The following DUSP5 variants were observed in gnomAD, a reference collection of about 807,000 sequenced individuals.
The protein encoded by DUSP5 is dual specificity protein phosphatase 5.
A neutral mutation model predicts 33.6 loss-of-function variants in DUSP5; 22 were observed. The ratio of observed to expected loss-of-function variants is 0.66; its 90% CI spans 0.47 to 0.94. DUSP5 has a LOEUF of 0.94. Ranked by LOEUF, DUSP5 falls within the 40% of genes least tolerant of loss-of-function variation. DUSP5 has a pLI of 0.00. For synonymous variants in DUSP5, 270 were observed against 231.1 expected (o/e 1.17, Z -1.53); for missense variants, 551 against 522.1 (o/e 1.06, Z -0.54).
Position 110,508,645 on chromosome 10 carries a change from C to T in DUSP5, c.749-1375C>T, listed in dbSNP as rs141948277. Among the ~76,000 whole-genome samples, 504 of 152,260 alleles carry T rather than the reference C, an allele frequency of 3.3e-3. 1 individual carries two copies. The highest frequency in any genetic ancestry group is 6.0e-3 in the Non-Finnish European group (406 of 68,024). ...GCTCCAGAGGCAATACACTCTGGAC[C>T]CTTTGCATTCTTGGATGTGGCACTA... On this transcript the variant is annotated intron_variant, in intron 3 of 3. Coordinates refer to ENST00000369583, the MANE Select transcript of DUSP5 (RefSeq NM_004419.4).
Position 110,498,133 on chromosome 10 carries a change from G to A in DUSP5, c.12G>A (p.Thr4=). The A allele has an allele frequency of 1.4e-6, 2 of 1,436,714 alleles. No individual in the cohort carries two copies. The highest frequency in any genetic ancestry group is 1.8e-6 in the Non-Finnish European group (2 of 1,088,688). 89.0% of individuals were successfully genotyped at this position (1,436,714 alleles called of 1,614,324 possible). The change falls in exon 1 of 4, where the codon ACG becomes ACA. Residue 4 remains threonine (T), a synonymous_variant. Transcript: ENST00000369583. The part of the protein sequence containing the change: MKV[T]SLDGRQLRKM... ...GCGGCGGCGGCGGCATGAAGGTCACGTCGCTCGACGGGCGCCAGCTGCGCA... is the reference window on the plus strand; with the variant it reads ...GCGGCGGCGGCGGCATGAAGGTCACATCGCTCGACGGGCGCCAGCTGCGCA...
In DUSP5 at chr10:110,502,723, G is replaced by A; in HGVS notation, c.382G>A (p.Gly128Arg). The change falls in exon 2 of 4, where the codon GGA (glycine) becomes AGA (arginine). Residue 128 changes from glycine (G) to arginine (R), a missense_variant and splice_region_variant. Physicochemically the swap from Gly to Arg is moderately radical, Grantham distance 125 (BLOSUM62 -2). This residue lies in a region of DUSP5 where 381 missense variants were observed against 310.4 expected (regional missense o/e 1.23). Transcript: ENST00000369583. Reference protein sequence around the residue: ...AGPRVYFLKGGYETFYSEYPE... With the variant: ...AGPRVYFLKGRYETFYSEYPE... ...CACCTTTTTGTTTGTTTTTGTAGGG[G>A]GATATGAGACTTTCTACTCGGAATA... 1.2e-6 allele frequency: 2 copies of A among 1,613,114 alleles called. No individual in the cohort carries two copies. The highest frequency in any genetic ancestry group is 1.7e-6 in the Non-Finnish European group (2 of 1,179,448).
chr10:110,509,955 T>G, intron 3 of DUSP5, 65 bp from the exon 4 acceptor site: 1 of 1,520,446 alleles, frequency 6.6e-7, no homozygotes, highest in South Asian at 1.3e-5. Context: ...GTTTGATTCT[T>G]GTGTTTTGCC....
At chr10:110,502,538 C>T (rs1161003370) in intron 1 of DUSP5, among the ~76,000 whole-genome samples, 183 bp from the exon 2 acceptor site, 1 of 152,208 alleles carries the variant, frequency 6.6e-6, no homozygotes, top group Non-Finnish European at 1.5e-5. Context: ...TATGTGTGTA[C>T]AGCCCCTTTC....
At chr10:110,503,173 CG>C (rs1860077584) in intron 2 of DUSP5, among the ~76,000 whole-genome samples, 1 of 152,176 alleles carries the variant, frequency 6.6e-6, no homozygotes, top group African/African-American at 2.4e-5. Flanking sequence ...CATCTGGCTT[CG>C]GAGGTTCAGA....
At position 110,502,878 on chromosome 10, in the gene DUSP5, T is replaced by C. The variant is rs1860072956; in HGVS notation, c.528+9T>C. On this transcript the variant is annotated intron_variant, in intron 2 of 3. Coordinates refer to ENST00000369583, the MANE Select transcript of DUSP5 (RefSeq NM_004419.4). ...GGCCAGCTTATGACCAGGTACGTGA[T>C]GTGATGGGGAAGAGGTATCCTGAGT... 3 of 1,614,164 alleles carry C rather than the reference T, an allele frequency of 1.9e-6. No homozygotes were observed. The highest frequency in any genetic ancestry group is 2.5e-6 in the Non-Finnish European group (3 of 1,180,020).
chr10:110,498,813 CT>C (rs1279788537), intron 1 of DUSP5, among the ~76,000 whole-genome samples: 1 of 152,092 alleles, frequency 6.6e-6, no homozygotes, highest in Admixed American at 6.5e-5. Flanking sequence ...CACGAGCCCC[CT>C]TTCCAGACGC....
At chr10:110,499,032 A>G (rs1860003907) in intron 1 of DUSP5, among the ~76,000 whole-genome samples, 2 of 151,096 alleles carry the variant, frequency 1.3e-5, no homozygotes, top group African/African-American at 4.9e-5. Flanking sequence ...ATTGCTTTTT[A>G]TTGTTTCCCT....
intron 3 of DUSP5, 52 bp from the exon 4 acceptor site, chr10:110,509,968 T>C: frequency 1.3e-6 from 2 of 1,527,582 alleles, no homozygotes; most frequent in Non-Finnish European, 1.8e-6. Flanking sequence ...GTTTTGCCAT[T>C]GCCCTTAGAT....
intron 3 of DUSP5, 92 bp downstream of exon 3, chr10:110,507,246 TGAAA>T: frequency 1.5e-6 from 2 of 1,332,760 alleles, no homozygotes; most frequent in South Asian, 1.4e-5. Context: ...CTACCTTCAC[TGAAA>T]GAAAAGTGTC....
rs1429565306 is a variant in DUSP5 at position 110,498,274 on chromosome 10, G to T, written c.153G>T (p.Val51=). 4 of 1,467,822 alleles carry T rather than the reference G, an allele frequency of 2.7e-6. No individual in the cohort carries two copies. Among genetic ancestry groups the T allele is most frequent in the Non-Finnish European group, 3.6e-6 (4 of 1,104,108 alleles). 90.9% of individuals were successfully genotyped at this position (1,467,822 alleles called of 1,614,324 possible). ...GSLNVNLNSV[V]LRRARGGAVS... is the part of the protein sequence containing the mutation. ...TCAACGTCAACCTCAACTCGGTGGT[G>T]CTGCGGCGGGCCCGGGGCGGCGCGG... Residue 51 remains valine, a synonymous_variant, in exon 1 of 4, where the codon GTG becomes GTT. Transcript: ENST00000369583.
chr10:110,500,579 C>T (rs1860033039), intron 1 of DUSP5, among the ~76,000 whole-genome samples: 1 of 152,166 alleles, frequency 6.6e-6, no homozygotes, highest in Non-Finnish European at 1.5e-5. Flanking sequence ...TTCCATAATC[C>T]CCTGTCTCCC....
chr10:110,504,739 A>C (rs1419417050), intron 2 of DUSP5, among the ~76,000 whole-genome samples: 2 of 151,938 alleles, frequency 1.3e-5, no homozygotes, highest in Admixed American at 1.3e-4. Flanking sequence ...TTGCCTAAAA[A>C]CCTGTGTCTT....
At chr10:110,500,752 G>A (rs1017225923) in intron 1 of DUSP5, among the ~76,000 whole-genome samples, 1 of 152,208 alleles carries the variant, frequency 6.6e-6, no homozygotes, top group Non-Finnish European at 1.5e-5. Flanking sequence ...TTTGCCACTC[G>A]AGTGAGGCAC....
chr10:110,504,338 C>G (rs1860093590), intron 2 of DUSP5, among the ~76,000 whole-genome samples: 1 of 152,196 alleles, frequency 6.6e-6, no homozygotes, highest in Non-Finnish European at 1.5e-5. Context: ...GTTGTGTTAA[C>G]TTTTGGGGTT....
At chr10:110,505,408 A>T (rs1020500424) in intron 2 of DUSP5, among the ~76,000 whole-genome samples, 3 of 152,264 alleles carry the variant, frequency 2.0e-5, no homozygotes, top group Admixed American at 6.5e-5. Flanking sequence ...GCCATAGTAG[A>T]TGCTGATAAA....
Position 110,498,482 on chromosome 10 carries a change from C to T in DUSP5, c.361C>T (p.Arg121Trp). ...SLLACLPAGP[R>W]VYFLKGGYET... ...ACTCGCTTGCCTACCCGCCGGCCCG[C>T]GGGTCTACTTCCTCAAAGGTGAGCG... is the stretch of plus-strand genomic sequence containing the variant. Residue 121 changes from arginine to tryptophan, a missense_variant, in exon 1 of 4, where the codon CGG (arginine) becomes TGG (tryptophan). Arg to Trp is a moderately radical substitution (Grantham distance 101, BLOSUM62 -3). This residue lies in a region of DUSP5 where 381 missense variants were observed against 310.4 expected (regional missense o/e 1.23). Transcript: ENST00000369583. The T allele has an allele frequency of 1.3e-6, 2 of 1,543,176 alleles. No individual in the cohort carries two copies. Among genetic ancestry groups the T allele is most frequent in the Non-Finnish European group, 1.7e-6 (2 of 1,154,072 alleles).
chr10:110,498,183 C>G lies in DUSP5; in HGVS notation c.62C>G (p.Ala21Gly). ...LRKMLRKEAA[A>G]RCVVLDCRPY... ...AAGATGCTCCGCAAGGAGGCGGCGG[C>G]GCGCTGCGTGGTGCTCGACTGCCGG... is the stretch of plus-strand genomic sequence containing the variant. The change falls in exon 1 of 4, where the codon GCG (alanine) becomes GGG (glycine). Residue 21 changes from alanine to glycine, a missense_variant. This residue lies in a region of DUSP5 where 381 missense variants were observed against 310.4 expected (regional missense o/e 1.23). Coordinates refer to ENST00000369583, the MANE Select transcript of DUSP5 (RefSeq NM_004419.4). The G allele has an allele frequency of 6.7e-7, 1 of 1,496,758 alleles. No individual in the cohort carries two copies. The highest frequency in any genetic ancestry group is 8.9e-7 in the Non-Finnish European group (1 of 1,122,536). 92.7% of individuals were successfully genotyped at this position (1,496,758 alleles called of 1,614,324 possible). A position where few individuals can be genotyped will look rare whatever the true frequency, so the allele number is the denominator to read the frequency against.
intron 2 of DUSP5, 67 bp from the exon 3 acceptor site, chr10:110,506,867 GT>G: frequency 1.3e-6 from 2 of 1,534,492 alleles, no homozygotes; most frequent in African/African-American, 2.7e-5. Flanking sequence ...GGTCGGAGTT[GT>G]TTTTTCCTCT....
Sources: gnomAD v4.1 joint callset for allele counts (sites outside exome capture counted in the v4.1 genomes callset) on GRCh38, gnomAD v4.1.1 for gene constraint, gnomAD v4.1.1 regional missense constraint, MANE v1.5 for transcripts, NCBI Gene and HGNC (gene_info 2026-07-23, HGNC 2026-07-21) for gene names.